KAZN: variants seen among roughly 807,000 people sequenced by gnomAD.
KAZN encodes the protein kazrin, periplakin interacting protein.
KAZN carries 40 observed loss-of-function variants against 87.4 expected under a neutral mutation model. That is an observed-to-expected ratio of 0.46 (90% CI 0.36 to 0.60). KAZN has a LOEUF of 0.60. Among genes scored for constraint, KAZN ranks in the 20% least tolerant of loss-of-function variants. The pLI, the probability that KAZN is intolerant of heterozygous loss-of-function variation, is 0.00. For missense variants in KAZN, 898 were observed against 1,073.9 expected (o/e 0.84, Z 2.29); for synonymous variants, 466 against 458.3 (o/e 1.02, Z -0.22).
chr1:14,924,919 C>CG lies in KAZN; in HGVS notation c.227-35763dup, dbSNP rs551238550. 2.3e-3 allele frequency among the ~76,000 whole-genome samples: 351 copies of CG among 152,304 alleles called. 2 individuals carry two copies. Among genetic ancestry groups the CG allele is most frequent in the African/African-American group, 8.0e-3 (331 of 41,586 alleles). On this transcript the variant is annotated intron_variant, in intron 1 of 14. Transcript: ENST00000376030. ...GGGCCAGCCCTGCGCGAAGTTGGTT[C>CG]GGCCCCCTGGGACCGCACCTGTGAG... is the stretch of plus-strand genomic sequence containing the variant.
chr1:14,043,446 A>G (rs1347139137), intron 1 of KAZN, among the ~76,000 whole-genome samples: 1 of 152,160 alleles, frequency 6.6e-6, no homozygotes, highest in Non-Finnish European at 1.5e-5. Context: ...TTGGGTATGT[A>G]CCCAGAAGTG....
At chr1:13,956,310 C>CTTTTTTTTT (rs71576051) in intron 1 of KAZN, among the ~76,000 whole-genome samples, 1 of 138,534 alleles carries the variant, frequency 7.2e-6, no homozygotes, top group African/African-American at 2.6e-5. Flanking sequence ...TCTTTTTTTT[C>CTTTTTTTTT]TTTTTTTTTT....
intron 2 of KAZN, among the ~76,000 whole-genome samples, chr1:14,414,569 G>A (rs555819389): frequency 7.9e-5 from 12 of 152,252 alleles, no homozygotes; most frequent in African/African-American, 2.9e-4. Context: ...TGATGCCAAT[G>A]TAGTAAGTTT....
chr1:13,916,990 G>A (rs955574762), intron 1 of KAZN, among the ~76,000 whole-genome samples: 15 of 152,112 alleles, frequency 9.9e-5, no homozygotes, highest in African/African-American at 3.4e-4. Flanking sequence ...AACAAAGGAG[G>A]AACTAGTCTT....
At chr1:14,076,572 A>G (rs1228657279) in intron 1 of KAZN, among the ~76,000 whole-genome samples, 1 of 152,202 alleles carries the variant, frequency 6.6e-6, no homozygotes, top group Admixed American at 6.5e-5. Context: ...GGAGAACCCT[A>G]GCAAACTAGT....
intron 2 of KAZN, among the ~76,000 whole-genome samples, chr1:14,462,277 C>A (rs1667897940): frequency 6.6e-6 from 1 of 151,932 alleles, no homozygotes; most frequent in East Asian, 1.9e-4. Flanking sequence ...AGAGTGGAGA[C>A]CGTTTGTGGT....
intron 1 of KAZN, among the ~76,000 whole-genome samples, chr1:14,921,520 T>C (rs1229151967): frequency 6.6e-6 from 1 of 152,152 alleles, no homozygotes. Context: ...CAAAAAAAAG[T>C]AGAACATCTG....
rs1644006992 is a variant in KAZN at position 14,739,090 on chromosome 1, GA to G, written c.226+139868del. On this transcript the variant is annotated intron_variant, in intron 1 of 14. Transcript: ENST00000376030. Reference sequence around the variant, plus strand: ...AGTCCTCAGGAGGCTGAGGTAGGGGGATCACTTGAGCCCAAGAGTTGAGGTT... The same window carrying G: ...AGTCCTCAGGAGGCTGAGGTAGGGGGTCACTTGAGCCCAAGAGTTGAGGTT... Among the ~76,000 whole-genome samples the G allele has an allele frequency of 2.0e-5, 3 of 152,248 alleles. No individual in the cohort carries two copies. The South Asian group carries it at 6.2e-4, about 32-fold the overall frequency.
intron 13 of KAZN, among the ~76,000 whole-genome samples, chr1:15,111,271 T>TTTG (rs1283093849): frequency 4.1e-5 from 6 of 147,480 alleles, no homozygotes; most frequent in Admixed American, 2.0e-4. Context: ...GTTGTTGTTG[T>TTTG]TTGTTGTTGT....
chr1:14,549,437 T>C (rs1673364390), intron 2 of KAZN, among the ~76,000 whole-genome samples: 1 of 152,068 alleles, frequency 6.6e-6, no homozygotes, highest in African/African-American at 2.4e-5. Context: ...CCAAACTTTG[T>C]GAGAAGAAAA....
chr1:14,235,494 T>C (rs1190762783), intron 2 of KAZN, among the ~76,000 whole-genome samples: 1 of 152,196 alleles, frequency 6.6e-6, no homozygotes, highest in Non-Finnish European at 1.5e-5. Context: ...AAGGGGTTTC[T>C]TTTGGGGATA....
chr1:14,239,452 T>G (rs2359955), intron 2 of KAZN, among the ~76,000 whole-genome samples: 116,945 of 127,148 alleles, frequency 0.92, 53,870 homozygotes, highest in East Asian at 0.96. Context: ...ATAAGTTGGG[T>G]TTCTTTTTTT....
chr1:14,738,860 G>A (rs1412178947), intron 1 of KAZN, among the ~76,000 whole-genome samples: 1 of 152,136 alleles, frequency 6.6e-6, no homozygotes, highest in Non-Finnish European at 1.5e-5. Flanking sequence ...CAAGTAGAGG[G>A]CAGAGTCTGA....
intron 2 of KAZN, among the ~76,000 whole-genome samples, chr1:14,385,185 C>T (rs1006437064): frequency 6.6e-5 from 10 of 152,110 alleles, no homozygotes; most frequent in East Asian, 1.9e-4. Context: ...TTTTTTATTT[C>T]GTCTATTTGG....
chr1:14,560,094 C>A (rs1012746140), intron 2 of KAZN, among the ~76,000 whole-genome samples: 3 of 152,182 alleles, frequency 2.0e-5, no homozygotes, highest in African/African-American at 7.2e-5. Context: ...GTAAAGACAT[C>A]TTTTGTTTTA....
At chr1:14,297,409 C>T (rs1219416159) in intron 2 of KAZN, among the ~76,000 whole-genome samples, 3 of 152,158 alleles carry the variant, frequency 2.0e-5, no homozygotes, top group African/African-American at 4.8e-5. Flanking sequence ...TTGGTCACTC[C>T]CTGGCTCTAA....
At position 14,365,373 on chromosome 1, in the gene KAZN, G is replaced by C. The variant is rs556934876; in HGVS notation, c.249+184781G>C. Among the ~76,000 whole-genome samples, 21 of 148,910 alleles carry C rather than the reference G, an allele frequency of 1.4e-4. 1 individual carries two copies. The highest frequency in any genetic ancestry group is 3.7e-4 in the African/African-American group (15 of 40,246). On this transcript the variant is annotated intron_variant, in intron 2 of 16. Transcript: ENST00000636203. ...CCCACCCCCTCCCCCCGGGGTGGGGGGGGGGGGGGTCTTTCAAGGTCACCA... is the reference window on the plus strand; with the variant it reads ...CCCACCCCCTCCCCCCGGGGTGGGGCGGGGGGGGGTCTTTCAAGGTCACCA...
At chr1:14,440,048 A>C (rs1052767994) in intron 2 of KAZN, among the ~76,000 whole-genome samples, 1 of 152,092 alleles carries the variant, frequency 6.6e-6, no homozygotes, top group Non-Finnish European at 1.5e-5. Context: ...GAGGTTACAT[A>C]ATCTACTTAT....
At chr1:14,103,581 G>A (rs1201373637) in intron 1 of KAZN, among the ~76,000 whole-genome samples, 3 of 152,136 alleles carry the variant, frequency 2.0e-5, no homozygotes, top group African/African-American at 4.8e-5. Flanking sequence ...CTCTAGTGAT[G>A]CCCATCCTTA....
Sources: allele counts gnomAD v4.1 joint callset (sites outside exome capture counted in the v4.1 genomes callset), GRCh38; gene constraint gnomAD v4.1.1; transcripts MANE v1.5; gene names NCBI Gene and HGNC (gene_info 2026-07-23, HGNC 2026-07-21).